The following CGGBP1 variants were observed in gnomAD, a reference collection of about 807,000 sequenced individuals.
CGGBP1 encodes CGG triplet repeat binding protein 1.
Under a neutral mutation model 11.4 loss-of-function variants are expected in CGGBP1, and 4 were observed. That is an observed-to-expected ratio of 0.35 (90% confidence interval 0.17 to 0.80). The LOEUF (loss-of-function observed/expected upper bound fraction) is 0.80. Ranked by LOEUF, CGGBP1 falls within the 30% of genes least tolerant of loss-of-function variation. The probability of loss-of-function intolerance (pLI) is 0.52; values close to 1 mark genes in which losing one functional copy is unlikely to be tolerated. For missense variants in CGGBP1, 135 were observed against 202.1 expected, an observed-to-expected ratio of 0.67 and a Z score of 2.01; for synonymous variants, 76 against 74.1, an observed-to-expected ratio of 1.03 and a Z score of -0.13.
intron 2 of CGGBP1, among the ~76,000 whole-genome samples, chr3:88,076,434 T>G (rs1413423345): frequency 6.6e-6 from 1 of 152,202 alleles, no homozygotes; most frequent in Non-Finnish European, 1.5e-5. Context: ...TTTTCTTTTT[T>G]GATATCTGTC....
chr3:88,133,742 C>T (rs1395534159), intron 2 of CGGBP1, among the ~76,000 whole-genome samples: 2 of 151,970 alleles, frequency 1.3e-5, no homozygotes, highest in African/African-American at 4.8e-5. Context: ...AATATGATCA[C>T]GGAGGCTGAA....
chr3:88,076,466 A>G (rs753063621), intron 2 of CGGBP1, among the ~76,000 whole-genome samples: 1 of 152,106 alleles, frequency 6.6e-6, no homozygotes, highest in Non-Finnish European at 1.5e-5. Flanking sequence ...CTAAGAGTGA[A>G]CTTTTATTCC....
intron 1 of CGGBP1, among the ~76,000 whole-genome samples, chr3:88,144,875 G>A (rs1343580284): frequency 2.6e-5 from 4 of 151,786 alleles, no homozygotes; most frequent in Admixed American, 6.6e-5. Context: ...ACATTTTAAC[G>A]AATGCCTATA....
intron 2 of CGGBP1, among the ~76,000 whole-genome samples, chr3:88,105,803 G>T (rs951651955): frequency 2.0e-5 from 3 of 151,768 alleles, no homozygotes; most frequent in African/African-American, 7.3e-5. Flanking sequence ...ATATCCTTTG[G>T]TATGCTTTAT....
At chr3:88,113,205 C>G (rs1323641886) in intron 2 of CGGBP1, 1 of 1,501,148 alleles carries the variant, frequency 6.7e-7, no homozygotes, top group Non-Finnish European at 8.9e-7. Flanking sequence ...AGGTAAAAAA[C>G]AGTTTACTAC....
chr3:88,121,683 T>C (rs1705776847), intron 2 of CGGBP1, among the ~76,000 whole-genome samples: 1 of 152,214 alleles, frequency 6.6e-6, no homozygotes, highest in Admixed American at 6.5e-5. Flanking sequence ...CCAATCAATG[T>C]GTAATAAGAT....
intron 2 of CGGBP1, among the ~76,000 whole-genome samples, chr3:88,096,412 C>G (rs996584478): frequency 1.3e-5 from 2 of 152,094 alleles, no homozygotes; most frequent in African/African-American, 4.8e-5. Context: ...TATAGAGGAT[C>G]TTGAAGCAGA....
intron 2 of CGGBP1, among the ~76,000 whole-genome samples, chr3:88,065,322 C>T (rs1707133132): frequency 6.6e-6 from 1 of 151,746 alleles, no homozygotes; most frequent in Non-Finnish European, 1.5e-5. Context: ...GGTTGACTTT[C>T]AGAGTTGAGT....
intron 2 of CGGBP1, among the ~76,000 whole-genome samples, chr3:88,120,795 A>G (rs1172461883): frequency 1.3e-5 from 1 of 75,206 alleles, no homozygotes; most frequent in African/African-American, 3.5e-5. Flanking sequence ...ATTCAACAGT[A>G]TAAAGTCAGT....
At chr3:88,111,607 C>G (rs982654033) in intron 2 of CGGBP1, among the ~76,000 whole-genome samples, 1 of 151,910 alleles carries the variant, frequency 6.6e-6, no homozygotes, top group Non-Finnish European at 1.5e-5. Context: ...GGTAGACATT[C>G]TGAATATTTC....
intron 2 of CGGBP1, among the ~76,000 whole-genome samples, chr3:88,065,631 G>GT (rs1322927221): frequency 3.3e-5 from 5 of 151,194 alleles, no homozygotes; most frequent in Admixed American, 6.6e-5. Context: ...TTTTTTTTTA[G>GT]TTTTTTAAAA....
At chr3:88,139,788 G>A (rs1274965998) in intron 2 of CGGBP1, 2 of 1,555,280 alleles carry the variant, frequency 1.3e-6, no homozygotes, top group Admixed American at 3.9e-5. Context: ...AGAGGATGAA[G>A]AAGGTGATTA....
At chr3:88,138,017 C>G (rs1706903424) in intron 2 of CGGBP1, among the ~76,000 whole-genome samples, 1 of 152,054 alleles carries the variant, frequency 6.6e-6, no homozygotes, top group Admixed American at 6.6e-5. Flanking sequence ...ACAATAGATT[C>G]CCAAGTAAAA....
chr3:88,075,251 G>T (rs1707737427), intron 2 of CGGBP1, among the ~76,000 whole-genome samples: 1 of 152,158 alleles, frequency 6.6e-6, no homozygotes, highest in South Asian at 2.1e-4. Context: ...TCACTTACTT[G>T]TAGTTTGTAA....
intron 2 of CGGBP1, among the ~76,000 whole-genome samples, chr3:88,093,714 A>T (rs1703882481): frequency 6.6e-6 from 1 of 152,254 alleles, no homozygotes; most frequent in African/African-American, 2.4e-5. Context: ...TACAGCATTT[A>T]TGCCTAGCCT....
intron 2 of CGGBP1, among the ~76,000 whole-genome samples, chr3:88,087,338 G>A (rs1360460319): frequency 1.3e-5 from 2 of 152,192 alleles, no homozygotes; most frequent in African/African-American, 4.8e-5. Context: ...GCCTTCCAAA[G>A]TGCTGGGATT....
chr3:88,083,592 G>A (rs897363969), intron 2 of CGGBP1, among the ~76,000 whole-genome samples: 8 of 152,092 alleles, frequency 5.3e-5, no homozygotes, highest in Admixed American at 2.0e-4. Context: ...AGTAATGTTT[G>A]TTATGCTCTT....
At chr3:88,140,866 G>A (rs746325430) in intron 2 of CGGBP1, 1 of 1,613,518 alleles carries the variant, frequency 6.2e-7, no homozygotes, top group Non-Finnish European at 8.5e-7. Flanking sequence ...ATGCCAAAAC[G>A]CAGAAAATTT....
chr3:88,065,800 C>G (rs1170256180), intron 2 of CGGBP1, among the ~76,000 whole-genome samples: 1 of 152,098 alleles, frequency 6.6e-6, no homozygotes, highest in Non-Finnish European at 1.5e-5. Context: ...CATCTAGGCT[C>G]ACTGCAACCT....
Sources: gnomAD v4.1 joint callset for allele counts (sites outside exome capture counted in the v4.1 genomes callset) on GRCh38, gnomAD v4.1.1 for gene constraint, MANE v1.5 for transcripts, NCBI Gene and HGNC (gene_info 2026-07-23, HGNC 2026-07-21) for gene names.